HIP1: variants seen among roughly 807,000 people sequenced by gnomAD.
The protein encoded by HIP1 is huntingtin interacting protein 1, also known as huntingtin-interacting protein 1.
HIP1 carries 65 observed loss-of-function variants against 147.6 expected under a neutral mutation model. That is an observed-to-expected ratio of 0.44 (90% CI 0.36 to 0.54). The LOEUF (loss-of-function observed/expected upper bound fraction) is 0.54. HIP1 is among the 20% of genes least tolerant of loss of function. The probability of loss-of-function intolerance (pLI) is 0.00; values close to 1 mark genes in which losing one functional copy is unlikely to be tolerated. For missense variants in HIP1, 1,061 were observed against 1,299.6 expected, an observed-to-expected ratio of 0.82 and a Z score of 2.82; for synonymous variants, 479 against 504.0, an observed-to-expected ratio of 0.95 and a Z score of 0.67.
chr7:75,588,929 T>A (rs930794253), intron 4 of HIP1, among the ~76,000 whole-genome samples: 1 of 152,042 alleles, frequency 6.6e-6, no homozygotes, highest in African/African-American at 2.4e-5. Context: ...AGGCATTGGA[T>A]CACCTGAGGT....
Position 75,602,379 on chromosome 7 carries a change from G to A in HIP1, c.121-3132C>T, listed in dbSNP as rs956669154. On this transcript the variant is annotated intron_variant, in intron 1 of 30. Transcript: ENST00000336926. ...GTCTTGCTATGTTGCCCAGGCTGGC[G>A]GGACTTGAACACTTGGATTCCAGTG... 6.1e-5 allele frequency among the ~76,000 whole-genome samples: 9 copies of A among 146,664 alleles called. No individual in the cohort carries two copies. The East Asian group carries it at 1.2e-3, about 20-fold the overall frequency.
At chr7:75,548,114 C>T (rs1335023087) in intron 23 of HIP1, among the ~76,000 whole-genome samples, 3 of 152,080 alleles carry the variant, frequency 2.0e-5, no homozygotes, top group Non-Finnish European at 2.9e-5. Flanking sequence ...CTGCAACCTC[C>T]GCCTCCTGGG....
At chr7:75,617,415 C>T (rs1244717830) in intron 1 of HIP1, among the ~76,000 whole-genome samples, 1 of 151,842 alleles carries the variant, frequency 6.6e-6, no homozygotes, top group African/African-American at 2.4e-5. Flanking sequence ...GAGGATCTCC[C>T]TGTGTTGCCC....
chr7:75,601,630 A>AAAAG (rs1251618631), intron 1 of HIP1, among the ~76,000 whole-genome samples: 23 of 151,928 alleles, frequency 1.5e-4, no homozygotes, highest in South Asian at 4.2e-4. Flanking sequence ...AAAAAAAAGA[A>AAAAG]AAAGAAAGAA....
At chr7:75,680,359 A>C (rs1000701243) in intron 1 of HIP1, among the ~76,000 whole-genome samples, 2 of 151,796 alleles carry the variant, frequency 1.3e-5, no homozygotes, top group African/African-American at 2.4e-5. Context: ...CCAGCTTTTA[A>C]ATATCTCCAC....
intron 1 of HIP1, among the ~76,000 whole-genome samples, chr7:75,617,686 G>A (rs1797716075): frequency 6.6e-6 from 1 of 152,198 alleles, no homozygotes. Flanking sequence ...ACCAGGCCTT[G>A]GGGAAAAGGA....
intron 7 of HIP1, among the ~76,000 whole-genome samples, chr7:75,578,513 A>G (rs1312335291): frequency 6.6e-6 from 1 of 152,084 alleles, no homozygotes; most frequent in Non-Finnish European, 1.5e-5. Context: ...TTGTCTCTAA[A>G]AAAAGTACAC....
intron 1 of HIP1, among the ~76,000 whole-genome samples, chr7:75,680,792 T>C (rs1554516766): frequency 1.3e-5 from 2 of 151,872 alleles, no homozygotes. Flanking sequence ...TGTTTGTTTT[T>C]TGAGATGGAG....
At chr7:75,704,569 C>CTTG (rs1422094060) in intron 1 of HIP1, among the ~76,000 whole-genome samples, 6 of 149,238 alleles carry the variant, frequency 4.0e-5, no homozygotes, top group South Asian at 2.1e-4. Context: ...TCAACTGTTT[C>CTTG]TTGTTGTTGT....
chr7:75,672,901 T>C lies in HIP1; in HGVS notation c.120+65900A>G, dbSNP rs189720067. Among the ~76,000 whole-genome samples, 3 of 152,292 alleles carry C rather than the reference T, an allele frequency of 2.0e-5. No individual in the cohort carries two copies. In the East Asian group the frequency reaches 5.8e-4, roughly 29 times the overall value. ...GTTGACTATCAATTGACCACGGATATGTGGGCTTATTTCTGGACCCCCAAT... is the reference window on the plus strand; with the variant it reads ...GTTGACTATCAATTGACCACGGATACGTGGGCTTATTTCTGGACCCCCAAT... On this transcript the variant is annotated intron_variant, in intron 1 of 30. Transcript: ENST00000336926.
rs184881275 is a variant in HIP1, at chr7:75,538,691, C to T, written c.3062-467G>A. Among the ~76,000 whole-genome samples the T allele has an allele frequency of 4.0e-5, 6 of 151,824 alleles. No individual in the cohort carries two copies. The East Asian group carries it at 1.2e-3, about 29-fold the overall frequency. On this transcript the variant is annotated intron_variant, in intron 30 of 30. Coordinates refer to ENST00000336926, the MANE Select transcript of HIP1 (RefSeq NM_005338.7). The stretch of plus-strand genomic sequence containing the variant: ...CCGGGTTCACGCCATTCTCCTGCCT[C>T]AGCCTCCTGAGTAGCTGGGACTACA...
intron 1 of HIP1, among the ~76,000 whole-genome samples, chr7:75,706,049 G>A (rs1187943304): frequency 2.6e-5 from 4 of 151,920 alleles, no homozygotes; most frequent in Admixed American, 2.6e-4. Flanking sequence ...GCCTGCCACC[G>A]TGCCTGGCCA....
chr7:75,579,764 G>A (rs1053226898), intron 7 of HIP1, among the ~76,000 whole-genome samples: 12 of 152,148 alleles, frequency 7.9e-5, no homozygotes, highest in Non-Finnish European at 1.3e-4. Context: ...AAGGAAATTC[G>A]GGGTCAGAGA....
intron 5 of HIP1, among the ~76,000 whole-genome samples, chr7:75,586,402 A>G (rs1796281654): frequency 6.6e-6 from 1 of 152,006 alleles, no homozygotes; most frequent in Non-Finnish European, 1.5e-5. Flanking sequence ...GGGTTTTGCC[A>G]TGTTGTCCAG....
chr7:75,664,628 GGACA>G (rs1337159983), intron 1 of HIP1, among the ~76,000 whole-genome samples: 4 of 149,422 alleles, frequency 2.7e-5, no homozygotes, highest in African/African-American at 9.9e-5. Context: ...ACAGGCAGAC[GGACA>G]GACAAAGTCT....
intron 1 of HIP1, among the ~76,000 whole-genome samples, chr7:75,737,347 A>AT (rs1802059274): frequency 1.3e-5 from 2 of 151,116 alleles, no homozygotes; most frequent in Non-Finnish European, 3.0e-5. Flanking sequence ...ATTCTTTTTT[A>AT]TTATTATTAT....
At chr7:75,553,933 T>C (rs899497408) in intron 21 of HIP1, among the ~76,000 whole-genome samples, 180 bp downstream of exon 21, 1 of 151,518 alleles carries the variant, frequency 6.6e-6, no homozygotes, top group Non-Finnish European at 1.5e-5. Flanking sequence ...TTAGTAGAGA[T>C]GGGGTTTTGC....
intron 1 of HIP1, among the ~76,000 whole-genome samples, chr7:75,735,932 A>G (rs1554523582): frequency 6.6e-6 from 1 of 151,832 alleles, no homozygotes; most frequent in Non-Finnish European, 1.5e-5. Context: ...CTACACCCCT[A>G]AAGAGTTTCA....
At chr7:75,562,236 T>G (rs1471945143) in intron 11 of HIP1, 66 bp from the exon 12 acceptor site, 2 of 1,015,534 alleles carry the variant, frequency 2.0e-6, no homozygotes, top group Non-Finnish European at 3.1e-6. Flanking sequence ...GTGGGTCAGT[T>G]GAGTGATATG....
Sources: gnomAD v4.1 joint callset for allele counts (sites outside exome capture counted in the v4.1 genomes callset) on GRCh38, gnomAD v4.1.1 for gene constraint, MANE v1.5 for transcripts, NCBI Gene and HGNC (gene_info 2026-07-23, HGNC 2026-07-21) for gene names.